APOB: variants seen among roughly 807,000 people sequenced by gnomAD.
The protein encoded by APOB is apolipoprotein B-100.
Under a neutral mutation model 314.1 loss-of-function variants are expected in APOB, and 153 were observed. The observed-to-expected ratio is 0.49, with a 90% confidence interval of 0.43 to 0.56. The LOEUF (loss-of-function observed/expected upper bound fraction) is 0.56. Among genes scored for constraint, APOB ranks in the 20% least tolerant of loss-of-function variants. The pLI, the probability that APOB is intolerant of heterozygous loss-of-function variation, is 0.00. For synonymous variants in APOB, 2,087 were observed against 2,036.4 expected (o/e 1.02, Z -0.67); for missense variants, 5,430 against 5,350.7 (o/e 1.01, Z -0.46).
At chr2:21,023,831 G>A (rs1663672446) in intron 16 of APOB, 139 bp from the exon 17 acceptor site, 1 of 676,710 alleles carries the variant, frequency 1.5e-6, no homozygotes, top group African/African-American at 1.8e-5. Flanking sequence ...GAGCTGAATA[G>A]TTTGATAAAT....
In APOB at chr2:21,038,263, CAT is replaced by C; in HGVS notation, c.384-154_384-153del. 9.9e-6 allele frequency: 8 copies of C among 811,898 alleles called. No homozygotes were observed. The South Asian group carries it at 1.2e-4, about 13-fold the overall frequency. The allele number at this position is 811,898 out of a possible 1,614,324, so 50.3% of individuals were successfully genotyped here. ...TTTGTAAATATAGAATATAGCTACA[CAT>C]AGACATACATTTTCAAAAAAGTATG... On this transcript the variant is annotated intron_variant, in intron 4 of 28. Transcript: ENST00000233242.
chr2:21,043,883 C>A lies in APOB; in HGVS notation c.63G>T (p.Leu21=). 1.4e-6 allele frequency: 2 copies of A among 1,472,838 alleles called. No individual in the cohort carries two copies. The highest frequency in any genetic ancestry group is 1.8e-6 in the Non-Finnish European group (2 of 1,117,682). The allele number at this position is 1,472,838 out of a possible 1,614,324, so 91.2% of individuals were successfully genotyped here. ...ACTCACCGGCCCTGGCGCCCGCCAG[C>A]AGCAGCAGCAGCAGCGCAGGCAGCG... ...LLALPALLLL[L]LAGARAEEEM... is the part of the protein sequence containing the mutation. The change falls in exon 1 of 29, where the codon CTG becomes CTT. Residue 21 remains leucine (L), a synonymous_variant. Coordinates refer to ENST00000233242, the MANE Select transcript of APOB (RefSeq NM_000384.3).
At chr2:21,004,770 T>C in intron 26 of APOB, 95 bp from the exon 27 acceptor site, 1 of 975,454 alleles carries the variant, frequency 1.0e-6, no homozygotes, top group South Asian at 1.3e-5. Flanking sequence ...CCTAACCAGA[T>C]ATTTCACTTG....
intron 13 of APOB, 26 bp from the exon 14 acceptor site, chr2:21,028,091 G>A (rs770883523): frequency 3.4e-6 from 5 of 1,477,622 alleles, no homozygotes; most frequent in Non-Finnish European, 4.7e-6. Flanking sequence ...TATATTTTGA[G>A]CTGACACACC....
Position 21,028,367 on chromosome 2 carries a change from T to C in APOB, c.1789A>G (p.Ile597Val). The C allele has an allele frequency of 6.2e-7, 1 of 1,614,174 alleles. No homozygotes were observed. Among genetic ancestry groups the C allele is most frequent in the Non-Finnish European group, 8.5e-7 (1 of 1,180,014 alleles). The change falls in exon 13 of 29, where the codon ATT (isoleucine) becomes GTT (valine). Residue 597 changes from isoleucine (I) to valine (V), a missense_variant. Physicochemically the swap from Ile to Val is conservative, Grantham distance 29. Transcript: ENST00000233242. The stretch of plus-strand genomic sequence containing the variant: ...TCTTCTGAGTTCAAGATATTGGCAA[T>C]ATGGGAAGCCACAAAGTTCTTCACT... ...EQVKNFVASHIANILNSEELD... is the reference protein window; with the variant it reads ...EQVKNFVASHVANILNSEELD...
rs113399155 is a variant in APOB at position 21,008,223 on chromosome 2, G to A, written c.8645C>T (p.Thr2882Ile). The change falls in exon 26 of 29, where the codon ACC (threonine) becomes ATC (isoleucine). Residue 2882 changes from threonine to isoleucine, a missense_variant. Transcript: ENST00000233242. ...GAAGTATTTAGTGTTGCTATCCAGG[G>A]TAAGCTGATTGTTTATCTTGACAAT... ...GVIVKINNQL[T>I]LDSNTKYFHK... is the part of the protein sequence containing the mutation. 2.5e-5 allele frequency: 41 copies of A among 1,614,022 alleles called. 1 individual carries two copies. Among genetic ancestry groups the A allele is most frequent in the African/African-American group, 2.4e-4 (18 of 75,012 alleles).
Position 21,002,108 on chromosome 2 carries a change from A to T in APOB, c.13314T>A (p.Ser4438Arg), listed in dbSNP as rs1662996433. Reference protein sequence around the residue: ...SASNFTSQLSSQVEQFLHRNI... With the variant: ...SASNFTSQLSRQVEQFLHRNI... Reference sequence around the variant, plus strand: ...TTCTGTGCAGAAATTGCTCAACTTGACTTGAGAGTTGGGAAGTAAAGTTAG... The same window carrying T: ...TTCTGTGCAGAAATTGCTCAACTTGTCTTGAGAGTTGGGAAGTAAAGTTAG... Residue 4438 changes from serine (S) to arginine (R), a missense_variant, in exon 29 of 29, where the codon AGT (serine) becomes AGA (arginine). By Grantham distance (110) the Ser-to-Arg change is moderately radical. This residue lies in a region of APOB where 3,281 missense variants were observed against 3,171.0 expected (regional missense o/e 1.03). Transcript: ENST00000233242. 1 of 1,613,832 alleles carries T rather than the reference A, an allele frequency of 6.2e-7. No homozygotes were observed. Among genetic ancestry groups the T allele is most frequent in the Non-Finnish European group, 8.5e-7 (1 of 1,179,986 alleles).
At position 21,011,059 on chromosome 2, in the gene APOB, G is replaced by C; in HGVS notation, c.5809C>G (p.Pro1937Ala). ...TCATGAGAGAAAGTAAATGCCAGAG[G>C]TTCTGCTTTCAACAGGAATTTGCTA... ...LYSKFLLKAE[P>A]LAFTFSHDYK... Residue 1937 changes from proline to alanine, a missense_variant, in exon 26 of 29, where the codon CCT becomes GCT. Coordinates refer to ENST00000233242, the MANE Select transcript of APOB (RefSeq NM_000384.3). 1 of 1,614,176 alleles carries C rather than the reference G, an allele frequency of 6.2e-7. No individual in the cohort carries two copies. Among genetic ancestry groups the C allele is most frequent in the South Asian group, 1.1e-5 (1 of 91,086 alleles).
At chr2:21,003,434 G>T in intron 28 of APOB, 100 bp from the exon 29 acceptor site, 2 of 1,068,176 alleles carry the variant, frequency 1.9e-6, no homozygotes, top group Non-Finnish European at 1.4e-6. Flanking sequence ...AAAGATCAGA[G>T]AATCTTTCAT....
Position 21,005,270 on chromosome 2 carries a change from G to A in APOB, c.11598C>T (p.Ser3866=). ...TTCCAGCAGGTACAGAGAACTTAAT[G>A]GAGGGAATCTCAATGGTCTGCTCAG... The part of the protein sequence containing the change: ...IVPEQTIEIP[S]IKFSVPAGIV... The change falls in exon 26 of 29, where the codon TCC becomes TCT. Residue 3866 remains serine, a synonymous_variant. Transcript: ENST00000233242. 1 of 1,614,060 alleles carries A rather than the reference G, an allele frequency of 6.2e-7. No individual in the cohort carries two copies. Among genetic ancestry groups the A allele is most frequent in the East Asian group, 2.2e-5 (1 of 44,876 alleles).
In APOB at chr2:21,001,496, C is replaced by G. The variant is rs1662975274; in HGVS notation, c.*234G>C. 2.0e-6 allele frequency: 1 copy of G among 501,192 alleles called. No homozygotes were observed. The highest frequency in any genetic ancestry group is 3.5e-6 in the Non-Finnish European group (1 of 284,976). The allele number at this position is 501,192 out of a possible 1,614,324, so 31.0% of individuals were successfully genotyped here. A position where few individuals can be genotyped will look rare whatever the true frequency, so the allele number is the denominator to read the frequency against. ...CCAAGTTTAGCAAAATAACTCAGATCCTGATTTTCTTTAACTTGCAAAAAA... is the reference window on the plus strand; with the variant it reads ...CCAAGTTTAGCAAAATAACTCAGATGCTGATTTTCTTTAACTTGCAAAAAA... On this transcript the variant is annotated 3_prime_UTR_variant, in exon 29 of 29. Transcript: ENST00000233242.
intron 28 of APOB, among the ~76,000 whole-genome samples, chr2:21,003,962 TA>T (rs1663062463): frequency 6.6e-6 from 1 of 152,114 alleles, no homozygotes; most frequent in African/African-American, 2.4e-5. Context: ...CTCTGAAAAA[TA>T]TACCCTGCCT....
chr2:21,023,045 A>G lies in APOB; in HGVS notation c.2605-3T>C, dbSNP rs1282142301. 5.6e-6 allele frequency: 9 copies of G among 1,613,940 alleles called. No homozygotes were observed. Among genetic ancestry groups the G allele is most frequent in the East Asian group, 4.5e-5 (2 of 44,890 alleles). On this transcript the variant is annotated splice_region_variant and splice_polypyrimidine_tract_variant and intron_variant, in intron 17 of 28. Transcript: ENST00000233242. ...TTTGCCACCAGTTCAGCCTGCATCT[A>G]TAAGTCAGAAAACAACCTATTCAGA...
rs1211614909 is a variant in APOB, at chr2:21,001,674, T to G, written c.*56A>C. On this transcript the variant is annotated 3_prime_UTR_variant, in exon 29 of 29. Coordinates refer to ENST00000233242, the MANE Select transcript of APOB (RefSeq NM_000384.3). ...ATATAGGCAGTTTGAATTTTTTCTGTGCTATGTGAAAGTTCAATTGGAAAA... is the reference window on the plus strand; with the variant it reads ...ATATAGGCAGTTTGAATTTTTTCTGGGCTATGTGAAAGTTCAATTGGAAAA... 1.3e-6 allele frequency: 2 copies of G among 1,573,282 alleles called. No homozygotes were observed. Among genetic ancestry groups the G allele is most frequent in the African/African-American group, 1.4e-5 (1 of 73,968 alleles).
At position 21,040,997 on chromosome 2, in the gene APOB, C is replaced by T; in HGVS notation, c.324G>A (p.Glu108=). 6.2e-7 allele frequency: 1 copy of T among 1,613,950 alleles called. No homozygotes were observed. Among genetic ancestry groups the T allele is most frequent in the East Asian group, 2.2e-5 (1 of 44,878 alleles). Residue 108 remains glutamate (E), a synonymous_variant, in exon 4 of 29, where the codon GAG becomes GAA. Coordinates refer to ENST00000233242, the MANE Select transcript of APOB (RefSeq NM_000384.3). ...TGGTTTTCTTCAGCAAGGCTTTGCC[C>T]TCAGGGTTGAAGCCATACACCTCTT... ...TLKEVYGFNP[E]GKALLKKTKN...
chr2:21,006,647 C>T lies in APOB; in HGVS notation c.10221G>A (p.Glu3407=), dbSNP rs1044387205. The stretch of plus-strand genomic sequence containing the variant: ...AGCTCACAGTACTGTTATGACTACC[C>T]TCCACAAATTTGTTGCTCAGAGACA... ...TALSLSNKFV[E]GSHNSTVSLT... is the part of the protein sequence containing the mutation. The change falls in exon 26 of 29, where the codon GAG becomes GAA. Residue 3407 remains glutamate (E), a synonymous_variant. Transcript: ENST00000233242. The T allele has an allele frequency of 6.2e-7, 1 of 1,614,088 alleles. No homozygotes were observed. The highest frequency in any genetic ancestry group is 8.5e-7 in the Non-Finnish European group (1 of 1,179,974).
In APOB at chr2:21,012,281, G is replaced by T. The variant is rs1663346249; in HGVS notation, c.4587C>A (p.Gly1529=). ...NLRFNSSYLQ[G]TNQITGRYED... ...CATATCTTCCTGTTATCTGGTTGGT[G>T]CCTTGGAGGTAGGAGGAGTTAAACC... The change falls in exon 26 of 29, where the codon GGC becomes GGA. Residue 1529 remains glycine, a synonymous_variant. Transcript: ENST00000233242. The T allele has an allele frequency of 6.2e-7, 1 of 1,614,098 alleles. No homozygotes were observed. Among genetic ancestry groups the T allele is most frequent in the Non-Finnish European group, 8.5e-7 (1 of 1,179,988 alleles).
chr2:21,029,311 T>A (rs1412049301), intron 12 of APOB, among the ~76,000 whole-genome samples: 1 of 152,042 alleles, frequency 6.6e-6, no homozygotes, highest in Non-Finnish European at 1.5e-5. Context: ...ATTAGCTGGG[T>A]GTAATGGCAC....
At chr2:21,039,680 TAAA>T (rs1366910285) in intron 4 of APOB, among the ~76,000 whole-genome samples, 2 of 152,194 alleles carry the variant, frequency 1.3e-5, no homozygotes, top group African/African-American at 4.8e-5. Context: ...TGTCAATTTT[TAAA>T]AAAGACAGTT....
Sources: allele counts gnomAD v4.1 joint callset (sites outside exome capture counted in the v4.1 genomes callset), GRCh38; gene constraint gnomAD v4.1.1; regional missense constraint gnomAD v4.1.1; transcripts MANE v1.5; gene names NCBI Gene and HGNC (gene_info 2026-07-23, HGNC 2026-07-21).